Variants in ARFGEF1 observed in about 807,000 individuals in gnomAD.
The protein encoded by ARFGEF1 is brefeldin A-inhibited guanine nucleotide-exchange protein 1.
Under a neutral mutation model 231.0 loss-of-function variants are expected in ARFGEF1, and 42 were observed. The observed-to-expected ratio is 0.18, with a 90% CI of 0.14 to 0.24. The LOEUF is 0.24. Among genes scored for constraint, ARFGEF1 ranks in the 10% least tolerant of loss-of-function variants. The pLI is 1.00. For synonymous variants in ARFGEF1, 710 were observed against 732.3 expected, an observed-to-expected ratio of 0.97 and a Z score of 0.49; for missense variants, 1,345 against 2,192.0, an observed-to-expected ratio of 0.61 and a Z score of 7.72.
intron 10 of ARFGEF1, among the ~76,000 whole-genome samples, chr8:67,270,895 A>G (rs1227751189): frequency 1.3e-5 from 2 of 151,320 alleles, no homozygotes; most frequent in African/African-American, 2.4e-5. Flanking sequence ...GTGGTGGCAC[A>G]TGCCTATAAT....
In ARFGEF1 at chr8:67,227,559, C is replaced by T. The variant is rs998787281; in HGVS notation, c.3631G>A (p.Val1211Ile). ...NPNEDVAIFA[V>I]DSLRQLSMKF... ...ATTGACAACTGCCTCAAGGAGTCTA[C>T]TGCAAAAATAGCTACATCTTCATTA... is the stretch of plus-strand genomic sequence containing the variant. The change falls in exon 26 of 39, where the codon GTA becomes ATA. Residue 1211 changes from valine (V) to isoleucine (I), a missense_variant. Transcript: ENST00000262215. 6.2e-6 allele frequency: 10 copies of T among 1,612,896 alleles called. No individual in the cohort carries two copies. The African/African-American group carries it at 1.1e-4, about 17-fold the overall frequency.
intron 9 of ARFGEF1, among the ~76,000 whole-genome samples, chr8:67,273,622 C>T (rs1163777436): frequency 6.6e-6 from 1 of 152,026 alleles, no homozygotes; most frequent in East Asian, 1.9e-4. Context: ...ACTACTTTCT[C>T]TGAAATAAAA....
intron 35 of ARFGEF1, among the ~76,000 whole-genome samples, chr8:67,203,480 G>A (rs569842429): frequency 2.0e-5 from 3 of 152,234 alleles, no homozygotes; most frequent in South Asian, 2.1e-4. Context: ...CTGGCCCTGC[G>A]TTCCTCAGCC....
chr8:67,227,382 T>C, intron 26 of ARFGEF1, 65 bp downstream of exon 26: 1 of 1,598,316 alleles, frequency 6.3e-7, no homozygotes, highest in Non-Finnish European at 8.5e-7. Context: ...TTTCTTCTGT[T>C]TTTCTCCCTG....
At chr8:67,220,388 T>C (rs1429216456) in intron 29 of ARFGEF1, among the ~76,000 whole-genome samples, 1 of 152,246 alleles carries the variant, frequency 6.6e-6, no homozygotes, top group African/African-American at 2.4e-5. Flanking sequence ...AAAATTTTCT[T>C]TGAAAGGCTC....
chr8:67,179,818 T>C lies in ARFGEF1; in HGVS notation c.561-4246A>G. 2.2e-6 allele frequency: 3 copies of C among 1,351,862 alleles called. No individual in the cohort carries two copies. The South Asian group carries it at 3.6e-5, about 16-fold the overall frequency. 83.7% of individuals were successfully genotyped at this position (1,351,862 alleles called of 1,614,324 possible). ...TCTTAGTATAAATTTGTTGTTTTTG[T>C]ACACAAAACTAATAAAAATAGTCAT... On this transcript the variant is annotated intron_variant, in intron 5 of 5. Transcript: ENST00000518789.
chr8:67,325,867 G>A (rs1807809880), intron 1 of ARFGEF1, among the ~76,000 whole-genome samples: 1 of 152,120 alleles, frequency 6.6e-6, no homozygotes, highest in African/African-American at 2.4e-5. Context: ...GCTAATTTCA[G>A]GAAAGCACTT....
At chr8:67,197,417 C>T (rs1838089065), downstream of ARFGEF1, among the ~76,000 whole-genome samples, 1 of 152,038 alleles carries the variant, frequency 6.6e-6, no homozygotes, top group Admixed American at 6.6e-5. Flanking sequence ...CCACTGCACT[C>T]CAGCCTGGAC....
intron 7 of ARFGEF1, among the ~76,000 whole-genome samples, chr8:67,287,675 C>CT (rs1392688027): frequency 6.6e-6 from 1 of 152,210 alleles, no homozygotes; most frequent in Non-Finnish European, 1.5e-5. Flanking sequence ...CCTATCCAGG[C>CT]TTTGAATACT....
intron 2 of ARFGEF1, among the ~76,000 whole-genome samples, 160 bp from the exon 3 acceptor site, chr8:67,301,540 G>C (rs1240577653): frequency 2.0e-5 from 3 of 152,214 alleles, no homozygotes; most frequent in Non-Finnish European, 4.4e-5. Context: ...GAGAAGTGAA[G>C]TGGTTTGCCA....
chr8:67,294,225 T>G (rs972982079), intron 5 of ARFGEF1, among the ~76,000 whole-genome samples: 1 of 152,276 alleles, frequency 6.6e-6, no homozygotes, highest in South Asian at 2.1e-4. Context: ...CAGACTTGAG[T>G]ATCCACAGAT....
chr8:67,287,564 T>C (rs1482910347), intron 7 of ARFGEF1, among the ~76,000 whole-genome samples: 17 of 152,220 alleles, frequency 1.1e-4, no homozygotes, highest in Admixed American at 6.5e-5. Context: ...ACACACTTTA[T>C]TCTCTTTTCC....
intron 17 of ARFGEF1, among the ~76,000 whole-genome samples, chr8:67,256,683 T>A (rs937035507): frequency 6.6e-6 from 1 of 152,178 alleles, no homozygotes; most frequent in South Asian, 2.1e-4. Flanking sequence ...AGGATGTCAA[T>A]GTGTGTTTTT....
chr8:67,281,982 T>C (rs1243747462), intron 7 of ARFGEF1, among the ~76,000 whole-genome samples: 1 of 152,174 alleles, frequency 6.6e-6, no homozygotes, highest in Non-Finnish European at 1.5e-5. Flanking sequence ...GCAAAGAAGA[T>C]ATTATCTTCC....
chr8:67,330,071 G>A (rs1381362449), intron 1 of ARFGEF1, among the ~76,000 whole-genome samples: 2 of 151,966 alleles, frequency 1.3e-5, no homozygotes, highest in African/African-American at 4.8e-5. Flanking sequence ...CTTTCTTAAA[G>A]ATATTTTTCA....
At chr8:67,279,828 T>C (rs942475046) in intron 7 of ARFGEF1, among the ~76,000 whole-genome samples, 2 of 152,164 alleles carry the variant, frequency 1.3e-5, no homozygotes, top group Non-Finnish European at 2.9e-5. Flanking sequence ...GCACATAAAA[T>C]CATTTGAGAT....
chr8:67,327,600 G>A (rs1028541356), intron 1 of ARFGEF1, among the ~76,000 whole-genome samples: 3 of 152,118 alleles, frequency 2.0e-5, no homozygotes, highest in Non-Finnish European at 4.4e-5. Flanking sequence ...GATTACAGGC[G>A]TGAGCCAACG....
rs1806372542 is a variant in ARFGEF1, at chr8:67,299,289, T to C, written c.379A>G (p.Ile127Val). ...CATATTGTTTCAATAATTCTATCAA[T>C]TAATTTTTTGCCTGGTGTTGTACTA... is the stretch of plus-strand genomic sequence containing the variant. ...PDSTTPGKKL[I>V]DRIIETICGC... The change falls in exon 4 of 39, where the codon ATT (isoleucine) becomes GTT (valine). Residue 127 changes from isoleucine (I) to valine (V), a missense_variant. By Grantham distance (29) the Ile-to-Val change is conservative (BLOSUM62 3). Coordinates refer to ENST00000262215, the MANE Select transcript of ARFGEF1 (RefSeq NM_006421.5). 1.9e-6 allele frequency: 3 copies of C among 1,610,334 alleles called. No homozygotes were observed.
Position 67,267,380 on chromosome 8 carries a change from T to C in ARFGEF1, c.1635A>G (p.Lys545=). Residue 545 remains lysine (K), a synonymous_variant, in exon 11 of 39, where the codon AAA becomes AAG. Transcript: ENST00000262215. ...LETSTSSFDH[K]WMVIQTLTRI... ...TCGTCAGTGTCTGAATAACCATCCATTTGTGATCAAATGAGCTGGTAGAAG... is the reference window on the plus strand; with the variant it reads ...TCGTCAGTGTCTGAATAACCATCCACTTGTGATCAAATGAGCTGGTAGAAG... 6.2e-7 allele frequency: 1 copy of C among 1,612,208 alleles called. No homozygotes were observed. Among genetic ancestry groups the C allele is most frequent in the Non-Finnish European group, 8.5e-7 (1 of 1,179,286 alleles).
Sources: gnomAD v4.1 joint callset for allele counts (sites outside exome capture counted in the v4.1 genomes callset) on GRCh38, gnomAD v4.1.1 for gene constraint, MANE v1.5 for transcripts, NCBI Gene and HGNC (gene_info 2026-07-23, HGNC 2026-07-21) for gene names.